ARHGEF38: variants seen among roughly 807,000 people sequenced by gnomAD.
The protein encoded by ARHGEF38 is Rho guanine nucleotide exchange factor 38.
Under a neutral mutation model 79.9 loss-of-function variants are expected in ARHGEF38, and 79 were observed. The ratio of observed to expected loss-of-function variants is 0.99; its 90% confidence interval spans 0.82 to 1.19. The LOEUF is 1.19. Ranked by LOEUF, ARHGEF38 falls within the 50% of genes most tolerant of loss-of-function variation. The pLI is 0.00. For missense variants in ARHGEF38, 962 were observed against 907.2 expected, an observed-to-expected ratio of 1.06 and a Z score of -0.78; for synonymous variants, 366 against 328.3, an observed-to-expected ratio of 1.11 and a Z score of -1.24.
chr4:105,635,851 C>G (rs1199446189), intron 4 of ARHGEF38, among the ~76,000 whole-genome samples: 1 of 152,028 alleles, frequency 6.6e-6, no homozygotes, highest in East Asian at 1.9e-4. Context: ...AGGTCTTAGA[C>G]TAAGCAAAAC....
intron 13 of ARHGEF38, among the ~76,000 whole-genome samples, chr4:105,668,291 C>T (rs990561516): frequency 3.3e-4 from 50 of 152,018 alleles, no homozygotes; most frequent in African/African-American, 1.1e-3. Flanking sequence ...AAGCAATTCT[C>T]CTGTCTCAGC....
At chr4:105,643,557 A>G (rs757928209) in intron 5 of ARHGEF38, among the ~76,000 whole-genome samples, 41 of 152,210 alleles carry the variant, frequency 2.7e-4, no homozygotes, top group Admixed American at 1.3e-3. Context: ...AACGTTCGGT[A>G]TAAGATAAAA....
intron 1 of ARHGEF38, among the ~76,000 whole-genome samples, chr4:105,581,242 C>T (rs1726777538): frequency 6.6e-6 from 1 of 152,142 alleles, no homozygotes; most frequent in Non-Finnish European, 1.5e-5. Flanking sequence ...CACCAGTCTT[C>T]CCAGTGTTTT....
chr4:105,672,044 C>A (rs1464962620), intron 13 of ARHGEF38, among the ~76,000 whole-genome samples: 3 of 152,076 alleles, frequency 2.0e-5, no homozygotes, highest in Non-Finnish European at 2.9e-5. Flanking sequence ...CTCTAAAGAT[C>A]ATTCACATAT....
At chr4:105,561,157 G>A (rs535870469) in intron 1 of ARHGEF38, among the ~76,000 whole-genome samples, 14 of 152,200 alleles carry the variant, frequency 9.2e-5, no homozygotes, top group African/African-American at 3.4e-4. Flanking sequence ...GGTGGCCAAG[G>A]TGGGTCTATC....
At chr4:105,569,591 G>A (rs1726115363) in intron 1 of ARHGEF38, among the ~76,000 whole-genome samples, 1 of 152,150 alleles carries the variant, frequency 6.6e-6, no homozygotes, top group African/African-American at 2.4e-5. Context: ...ATTGAATTAA[G>A]CAATTTTCAT....
chr4:105,624,407 T>A (rs1728861127), intron 3 of ARHGEF38, among the ~76,000 whole-genome samples: 1 of 152,186 alleles, frequency 6.6e-6, no homozygotes, highest in Non-Finnish European at 1.5e-5. Flanking sequence ...GTTTTTTTCT[T>A]CAAATTTCTT....
At chr4:105,598,356 C>T (rs567072185) in intron 2 of ARHGEF38, among the ~76,000 whole-genome samples, 2 of 152,040 alleles carry the variant, frequency 1.3e-5, no homozygotes, top group Admixed American at 1.3e-4. Flanking sequence ...GTAAAAGATG[C>T]CCTAAAAGCC....
intron 2 of ARHGEF38, among the ~76,000 whole-genome samples, chr4:105,605,472 TA>T (rs1477709656): frequency 5.9e-5 from 9 of 152,140 alleles, no homozygotes; most frequent in Non-Finnish European, 1.2e-4. Context: ...GTGGCTAATG[TA>T]GGTCTGTCCA....
At chr4:105,612,567 A>C (rs767893859) in intron 2 of ARHGEF38, among the ~76,000 whole-genome samples, 15 of 152,126 alleles carry the variant, frequency 9.9e-5, no homozygotes, top group Non-Finnish European at 2.2e-4. Context: ...TATGATTATG[A>C]AAGGAGATCC....
rs1326818139 is a variant in ARHGEF38, at chr4:105,679,506, G to A, written c.*1569G>A. 6.8e-7 allele frequency: 1 copy of A among 1,465,800 alleles called. No homozygotes were observed. The highest frequency in any genetic ancestry group is 1.4e-5 in the African/African-American group (1 of 71,950). 90.8% of individuals were successfully genotyped at this position (1,465,800 alleles called of 1,614,324 possible). A position where few individuals can be genotyped will look rare whatever the true frequency, so the allele number is the denominator to read the frequency against. On this transcript the variant is annotated 3_prime_UTR_variant, in exon 14 of 14. Coordinates refer to ENST00000420470, the MANE Select transcript of ARHGEF38 (RefSeq NM_001242729.2). ...CTTATCAGAGTTGATTAAAGATCATGGTTCAAAGCTTGATACACCAGAAAT... is the reference window on the plus strand; with the variant it reads ...CTTATCAGAGTTGATTAAAGATCATAGTTCAAAGCTTGATACACCAGAAAT...
At chr4:105,615,833 G>T (rs1185415029) in intron 3 of ARHGEF38, among the ~76,000 whole-genome samples, 1 of 152,108 alleles carries the variant, frequency 6.6e-6, no homozygotes, top group African/African-American at 2.4e-5. Context: ...ATCTTTCTTT[G>T]AATTGCCACA....
At chr4:105,649,206 T>G (rs1222205572) in intron 7 of ARHGEF38, among the ~76,000 whole-genome samples, 2 of 152,216 alleles carry the variant, frequency 1.3e-5, no homozygotes, top group Admixed American at 6.5e-5. Flanking sequence ...ACTCCCCAGA[T>G]GCACATTATA....
intron 4 of ARHGEF38, among the ~76,000 whole-genome samples, chr4:105,632,249 A>T (rs1330093173): frequency 6.6e-6 from 1 of 152,130 alleles, no homozygotes; most frequent in Non-Finnish European, 1.5e-5. Context: ...ACCATTCTTC[A>T]TGCTATGGAA....
At chr4:105,641,304 C>T (rs1012452327) in intron 5 of ARHGEF38, among the ~76,000 whole-genome samples, 36 of 152,208 alleles carry the variant, frequency 2.4e-4, no homozygotes, top group African/African-American at 7.9e-4. Flanking sequence ...TAACCAGTGA[C>T]TGTAATTGAT....
At chr4:105,597,264 T>C (rs1727623758) in intron 2 of ARHGEF38, among the ~76,000 whole-genome samples, 1 of 152,196 alleles carries the variant, frequency 6.6e-6, no homozygotes, top group African/African-American at 2.4e-5. Context: ...CTCAAAGTTA[T>C]TTGCTAAAAT....
intron 13 of ARHGEF38, among the ~76,000 whole-genome samples, chr4:105,675,218 G>C (rs1422679663): frequency 6.6e-6 from 1 of 152,140 alleles, no homozygotes; most frequent in African/African-American, 2.4e-5. Flanking sequence ...ATGAGAAATG[G>C]ACCAAGCACA....
At chr4:105,567,901 A>C (rs2110415033) in intron 1 of ARHGEF38, among the ~76,000 whole-genome samples, 1 of 151,394 alleles carries the variant, frequency 6.6e-6, no homozygotes, top group Non-Finnish European at 1.5e-5. Context: ...ATCTAGCATT[A>C]GGTATATTTC....
intron 1 of ARHGEF38, among the ~76,000 whole-genome samples, chr4:105,566,378 A>T (rs1725888273): frequency 1.3e-5 from 2 of 152,206 alleles, no homozygotes; most frequent in African/African-American, 2.4e-5. Context: ...GTCACAGGTT[A>T]TCATAATTCT....
Sources: allele counts gnomAD v4.1 joint callset (sites outside exome capture counted in the v4.1 genomes callset), GRCh38; gene constraint gnomAD v4.1.1; transcripts MANE v1.5; gene names NCBI Gene and HGNC (gene_info 2026-07-23, HGNC 2026-07-21).